ITGA9: variants seen among roughly 807,000 people sequenced by gnomAD.
ITGA9 encodes integrin alpha-9.
A neutral mutation model predicts 127.8 loss-of-function variants in ITGA9; 56 were observed. That is an observed-to-expected ratio of 0.44 (90% CI 0.35 to 0.55). ITGA9 has a LOEUF of 0.55. ITGA9 is among the 20% of genes least tolerant of loss of function. ITGA9 has a pLI of 0.00. For missense variants in ITGA9, 1,196 were observed against 1,347.1 expected, an observed-to-expected ratio of 0.89 and a Z score of 1.76; for synonymous variants, 508 against 514.5, an observed-to-expected ratio of 0.99 and a Z score of 0.17.
intron 1 of ITGA9, among the ~76,000 whole-genome samples, chr3:37,453,388 A>G (rs1698222341): frequency 6.6e-6 from 1 of 152,170 alleles, no homozygotes; most frequent in East Asian, 1.9e-4. Flanking sequence ...AGAAGGGGGC[A>G]GCTCTCCCCC....
At chr3:37,631,349 G>A (rs1559553888) in intron 16 of ITGA9, among the ~76,000 whole-genome samples, 1 of 152,178 alleles carries the variant, frequency 6.6e-6, no homozygotes, top group Non-Finnish European at 1.5e-5. Flanking sequence ...TTAGTGAAAA[G>A]CATCTTGGAA....
chr3:37,688,763 A>T (rs956724801), intron 18 of ITGA9, among the ~76,000 whole-genome samples: 4 of 152,194 alleles, frequency 2.6e-5, no homozygotes, highest in African/African-American at 9.7e-5. Context: ...GCCCGTGTGC[A>T]GGCTCCTCAC....
chr3:37,711,035 T>C (rs1389533420), intron 18 of ITGA9, among the ~76,000 whole-genome samples: 5 of 152,218 alleles, frequency 3.3e-5, no homozygotes, highest in Non-Finnish European at 7.3e-5. Context: ...AGGTCTCTTA[T>C]GAGACTGCAG....
At chr3:37,486,137 C>T (rs557895897) in intron 4 of ITGA9, among the ~76,000 whole-genome samples, 14 of 152,188 alleles carry the variant, frequency 9.2e-5, no homozygotes, top group South Asian at 4.1e-4. Flanking sequence ...GGCAAGAAGC[C>T]GGAACTTAGC....
chr3:37,474,074 A>G (rs1307033411), intron 3 of ITGA9, among the ~76,000 whole-genome samples: 1 of 152,246 alleles, frequency 6.6e-6, no homozygotes, highest in Non-Finnish European at 1.5e-5. Flanking sequence ...TTATCTCTAC[A>G]TAATATTACA....
chr3:37,746,084 C>T (rs1696496567), intron 22 of ITGA9: 1 of 152,180 alleles, frequency 6.6e-6, no homozygotes, highest in Admixed American at 6.5e-5. Context: ...TTGTGGTTGT[C>T]CTGCAGGAAG....
At chr3:37,752,564 A>G (rs1488499685) in intron 23 of ITGA9, among the ~76,000 whole-genome samples, 2 of 152,188 alleles carry the variant, frequency 1.3e-5, no homozygotes, top group African/African-American at 4.8e-5. Flanking sequence ...CTCCCTCTCT[A>G]ACAGTGCCCT....
At chr3:37,726,545 G>T (rs956396384) in intron 18 of ITGA9, among the ~76,000 whole-genome samples, 6 of 152,224 alleles carry the variant, frequency 3.9e-5, no homozygotes, top group Non-Finnish European at 4.4e-5. Context: ...TTCATTATTC[G>T]ATTCTTCCAA....
chr3:37,693,502 G>C (rs1021945640), intron 18 of ITGA9, among the ~76,000 whole-genome samples: 2 of 152,164 alleles, frequency 1.3e-5, no homozygotes, highest in Non-Finnish European at 1.5e-5. Context: ...ACCACAGAAA[G>C]GGTGGTCCCT....
At chr3:37,775,589 T>C (rs1298051912) in intron 23 of ITGA9, among the ~76,000 whole-genome samples, 1 of 149,098 alleles carries the variant, frequency 6.7e-6, no homozygotes, top group Admixed American at 6.8e-5. Flanking sequence ...GAGCTTGCAG[T>C]GAGCCAAGAT....
At chr3:37,649,302 AAAC>A (rs1208274314) in intron 16 of ITGA9, among the ~76,000 whole-genome samples, 4 of 152,192 alleles carry the variant, frequency 2.6e-5, no homozygotes, top group East Asian at 1.9e-4. Flanking sequence ...TTATTAAAAA[AAAC>A]AACAACAACC....
chr3:37,813,507 C>G (rs1697393364), intron 27 of ITGA9, among the ~76,000 whole-genome samples: 1 of 152,198 alleles, frequency 6.6e-6, no homozygotes, highest in African/African-American at 2.4e-5. Context: ...GATTGACATT[C>G]TATTAGAAAA....
intron 23 of ITGA9, among the ~76,000 whole-genome samples, chr3:37,754,894 T>C (rs1012823725): frequency 6.6e-6 from 1 of 152,212 alleles, no homozygotes; most frequent in Admixed American, 6.5e-5. Flanking sequence ...GAAGAAAATA[T>C]GCACCTGATA....
chr3:37,768,578 G>C (rs1379470653), intron 23 of ITGA9, among the ~76,000 whole-genome samples: 18 of 152,134 alleles, frequency 1.2e-4, no homozygotes, highest in Non-Finnish European at 2.4e-4. Context: ...GATAAGTCAG[G>C]GGGTGGGTCA....
rs58911100 is a variant in ITGA9 at position 37,647,453 on chromosome 3, G to GTTTT, written c.1840-6249_1840-6246dup. The stretch of plus-strand genomic sequence containing the variant: ...ATGAACATATCCATTGCCTAACATA[G>GTTTT]TTTTTTTTTTTTTTTGATAGTAAGA... On this transcript the variant is annotated intron_variant, in intron 16 of 27. Transcript: ENST00000264741. Among the ~76,000 whole-genome samples, 421 of 141,680 alleles carry GTTTT rather than the reference G, an allele frequency of 3.0e-3. 4 individuals are homozygous for GTTTT. The highest frequency in any genetic ancestry group is 9.6e-3 in the African/African-American group (372 of 38,878). The allele number at this position is 141,680 out of a possible 152,430, so 92.9% of individuals were successfully genotyped here.
intron 18 of ITGA9, among the ~76,000 whole-genome samples, chr3:37,700,365 CTTTTTTG>C (rs1700933011): frequency 6.6e-6 from 1 of 151,434 alleles, no homozygotes; most frequent in Non-Finnish European, 1.5e-5. Flanking sequence ...TATGCAATGA[CTTTTTTG>C]AGACAAGGTC....
intron 22 of ITGA9, among the ~76,000 whole-genome samples, chr3:37,744,805 A>G (rs1456771232): frequency 6.6e-6 from 1 of 152,280 alleles, no homozygotes; most frequent in Non-Finnish European, 1.5e-5. Flanking sequence ...CTTATAGACA[A>G]TGAAATTTGA....
chr3:37,776,522 C>G (rs1020024948), intron 23 of ITGA9, among the ~76,000 whole-genome samples: 2 of 152,194 alleles, frequency 1.3e-5, no homozygotes, highest in African/African-American at 4.8e-5. Context: ...TATTAATTTT[C>G]TGGTTTAACC....
chr3:37,685,119 C>G (rs560744540), intron 18 of ITGA9, among the ~76,000 whole-genome samples: 53 of 152,322 alleles, frequency 3.5e-4, no homozygotes, highest in African/African-American at 1.2e-3. Flanking sequence ...GAACCAAAAT[C>G]ACTTTCTGTG....
Sources: gnomAD v4.1 joint callset for allele counts (sites outside exome capture counted in the v4.1 genomes callset) on GRCh38, gnomAD v4.1.1 for gene constraint, MANE v1.5 for transcripts, NCBI Gene and HGNC (gene_info 2026-07-23, HGNC 2026-07-21) for gene names.